Variants in NEURL1 observed in about 807,000 individuals in gnomAD.
The protein encoded by NEURL1 is neuralized E3 ubiquitin protein ligase 1, also known as E3 ubiquitin-protein ligase NEURL1.
Under a neutral mutation model 41.2 loss-of-function variants are expected in NEURL1, and 26 were observed. The ratio of observed to expected loss-of-function variants is 0.63; its 90% CI spans 0.46 to 0.87. The LOEUF is 0.87. Ranked by LOEUF, NEURL1 falls within the 40% of genes least tolerant of loss-of-function variation. The probability of loss-of-function intolerance (pLI) is 0.00; values close to 1 mark genes in which losing one functional copy is unlikely to be tolerated. For synonymous variants in NEURL1, 400 were observed against 402.3 expected (o/e 0.99, Z 0.07); for missense variants, 761 against 871.1 (o/e 0.87, Z 1.59).
chr10:103,554,996 C>T (rs2035114178), intron 1 of NEURL1, among the ~76,000 whole-genome samples: 1 of 152,100 alleles, frequency 6.6e-6, no homozygotes, highest in South Asian at 2.1e-4. Flanking sequence ...GTGTGCGCGC[C>T]TCTGCTCGCT....
chr10:103,585,345 C>CA, intron 4 of NEURL1, 120 bp downstream of exon 4: 1 of 934,054 alleles, frequency 1.1e-6, no homozygotes, highest in Non-Finnish European at 1.5e-6. Context: ...TAAGGAATCA[C>CA]AGACACCTAA....
At chr10:103,497,998 G>C (rs893161220) in intron 1 of NEURL1, among the ~76,000 whole-genome samples, 3 of 152,158 alleles carry the variant, frequency 2.0e-5, no homozygotes, top group East Asian at 1.9e-4. Flanking sequence ...TGGAAGAAGG[G>C]GGAAAGGCAC....
chr10:103,556,006 C>A lies in NEURL1; in HGVS notation c.86-14866C>A, dbSNP rs2035146794. 6.6e-6 allele frequency among the ~76,000 whole-genome samples: 1 copy of A among 152,240 alleles called. No individual in the cohort carries two copies. The highest frequency in any genetic ancestry group is 2.1e-4 in the South Asian group (1 of 4,836). On this transcript the variant is annotated intron_variant, in intron 1 of 5. Coordinates refer to ENST00000369780, the MANE Select transcript of NEURL1 (RefSeq NM_004210.5). This position sits in a 1 kb window ranked among gnomAD's most constrained non-coding sequence, Gnocchi z 4.4. Reference sequence around the variant, plus strand: ...GGTGTGCACCTGTGCCGGCTTGTGCCTAAGCACACGGGTGTGCAAGTGACA... The same window carrying A: ...GGTGTGCACCTGTGCCGGCTTGTGCATAAGCACACGGGTGTGCAAGTGACA...
rs2035864563 is a variant in NEURL1 at position 103,584,725 on chromosome 10, C to T, written c.839C>T (p.Ser280Leu). ...GCPIPQNSLN[S>L]QHSRALPAQL... is the part of the protein sequence containing the mutation. The stretch of plus-strand genomic sequence containing the variant: ...CCCATCCCGCAGAACTCACTCAACT[C>T]GCAGCACAGCCGCGCGCTGCCGGCG... The change falls in exon 4 of 6, where the codon TCG becomes TTG. Residue 280 changes from serine (S) to leucine (L), a missense_variant. Coordinates refer to ENST00000369780, the MANE Select transcript of NEURL1 (RefSeq NM_004210.5). 6.8e-7 allele frequency: 1 copy of T among 1,468,250 alleles called. No homozygotes were observed. The highest frequency in any genetic ancestry group is 9.0e-7 in the Non-Finnish European group (1 of 1,115,694). The allele number at this position is 1,468,250 out of a possible 1,614,324, so 91.0% of individuals were successfully genotyped here.
chr10:103,504,559 G>A (rs78573195), intron 1 of NEURL1, among the ~76,000 whole-genome samples: 17 of 152,268 alleles, frequency 1.1e-4, no homozygotes, highest in Middle Eastern at 3.4e-3. Context: ...GACCTTGAGC[G>A]CCTGGCTGAG....
At chr10:103,572,231 T>C (rs893977567) in intron 3 of NEURL1, among the ~76,000 whole-genome samples, 2 of 152,204 alleles carry the variant, frequency 1.3e-5, no homozygotes, top group African/African-American at 4.8e-5. Context: ...GACCCCTTCA[T>C]TGGGCAGAAA....
In NEURL1 at chr10:103,590,708, A is replaced by T. The variant is rs997916402; in HGVS notation, c.*336A>T. On this transcript the variant is annotated 3_prime_UTR_variant, in exon 6 of 6. Coordinates refer to ENST00000369780, the MANE Select transcript of NEURL1 (RefSeq NM_004210.5). Reference sequence around the variant, plus strand: ...TCCCCATCTGAGGCAGGTTTCTAGGAGGTGTCTGTAGTCCATGTGGCACCT... The same window carrying T: ...TCCCCATCTGAGGCAGGTTTCTAGGTGGTGTCTGTAGTCCATGTGGCACCT... 2.6e-5 allele frequency: 9 copies of T among 348,214 alleles called. No individual in the cohort carries two copies. Among genetic ancestry groups the T allele is most frequent in the African/African-American group, 1.7e-4 (8 of 48,074 alleles). The allele number at this position is 348,214 out of a possible 1,614,324, so 21.6% of individuals were successfully genotyped here. A position where few individuals can be genotyped will look rare whatever the true frequency, so the allele number is the denominator to read the frequency against.
intron 1 of NEURL1, among the ~76,000 whole-genome samples, chr10:103,568,104 G>A (rs565009831): frequency 4.3e-4 from 65 of 152,270 alleles, no homozygotes; most frequent in African/African-American, 1.5e-3. Flanking sequence ...GTGTATGCCC[G>A]TGAGTGTGTC....
chr10:103,561,809 G>C (rs2035298927), intron 1 of NEURL1, among the ~76,000 whole-genome samples: 1 of 152,204 alleles, frequency 6.6e-6, no homozygotes, highest in Non-Finnish European at 1.5e-5. Context: ...TTCCTTATCT[G>C]CTTCTTTTCT....
At chr10:103,529,922 C>G (rs1470692763) in intron 1 of NEURL1, among the ~76,000 whole-genome samples, 1 of 151,890 alleles carries the variant, frequency 6.6e-6, no homozygotes, top group African/African-American at 2.4e-5. Context: ...GGATCTTATG[C>G]AAGAAAAAAT....
intron 1 of NEURL1, among the ~76,000 whole-genome samples, chr10:103,505,819 A>G (rs928107311): frequency 1.3e-5 from 2 of 152,260 alleles, no homozygotes; most frequent in African/African-American, 2.4e-5. Flanking sequence ...AGCCCTGGCC[A>G]GAGTCACCCC....
At chr10:103,583,127 G>T (rs1254602632) in intron 3 of NEURL1, among the ~76,000 whole-genome samples, 2 of 152,144 alleles carry the variant, frequency 1.3e-5, no homozygotes, top group South Asian at 2.1e-4. Flanking sequence ...TATGGTGTTG[G>T]AAACAGTTAT....
intron 1 of NEURL1, among the ~76,000 whole-genome samples, chr10:103,517,996 A>G (rs1296373457): frequency 6.6e-6 from 1 of 152,224 alleles, no homozygotes; most frequent in African/African-American, 2.4e-5. Flanking sequence ...CCAGCCAGGT[A>G]TCCTTTATGT....
chr10:103,568,076 G>A (rs1013485054), intron 1 of NEURL1, among the ~76,000 whole-genome samples: 9 of 152,144 alleles, frequency 5.9e-5, no homozygotes, highest in South Asian at 2.1e-4. Flanking sequence ...GATTACTTTC[G>A]CATGCTCACA....
intron 1 of NEURL1, among the ~76,000 whole-genome samples, chr10:103,553,795 G>A (rs1181044198): frequency 6.6e-6 from 1 of 152,178 alleles, no homozygotes; most frequent in Non-Finnish European, 1.5e-5. Flanking sequence ...CCTGCCCGCT[G>A]GCTTTCTCTT....
chr10:103,501,547 C>G (rs1345114911), intron 1 of NEURL1, among the ~76,000 whole-genome samples: 2 of 151,946 alleles, frequency 1.3e-5, no homozygotes, highest in African/African-American at 4.8e-5. Context: ...AGTTCTGATG[C>G]TAGGTGTATT....
rs2033625787 is a variant in NEURL1 at position 103,494,282 on chromosome 10, T to TC, written c.-101dup. The TC allele has an allele frequency of 3.5e-6, 3 of 864,402 alleles. No homozygotes were observed. Among genetic ancestry groups the TC allele is most frequent in the Non-Finnish European group, 5.2e-6 (3 of 578,596 alleles). 53.5% of individuals were successfully genotyped at this position (864,402 alleles called of 1,614,324 possible). ...CCCGGCTGCAGCCCCAGCAGGGCCC[T>TC]CCCCCGGTGGCGCGCACCCGCGCGC... On this transcript the variant is annotated 5_prime_UTR_variant, in exon 1 of 6. Coordinates refer to ENST00000369780, the MANE Select transcript of NEURL1 (RefSeq NM_004210.5).
In NEURL1 at chr10:103,556,595, T is replaced by A. The variant is rs1317037403; in HGVS notation, c.86-14277T>A. Among the ~76,000 whole-genome samples, 2 of 152,132 alleles carry A rather than the reference T, an allele frequency of 1.3e-5. No individual in the cohort carries two copies. Among genetic ancestry groups the A allele is most frequent in the Non-Finnish European group, 2.9e-5 (2 of 68,028 alleles). ...AGGCTCTGGACTTTGGGAGAGTAAT[T>A]TCTAATTAAAAAAGAAAAAAGACAG... On this transcript the variant is annotated intron_variant, in intron 1 of 5. Coordinates refer to ENST00000369780, the MANE Select transcript of NEURL1 (RefSeq NM_004210.5). The surrounding 1 kb of genome is among the most constrained non-coding windows in gnomAD (Gnocchi z 4.4).
At chr10:103,514,786 A>C (rs1403631910) in intron 1 of NEURL1, among the ~76,000 whole-genome samples, 2 of 152,034 alleles carry the variant, frequency 1.3e-5, no homozygotes, top group Non-Finnish European at 2.9e-5. Flanking sequence ...TAGGATAGGG[A>C]GTGGGGCAGG....
Sources: gnomAD v4.1 joint callset for allele counts (sites outside exome capture counted in the v4.1 genomes callset) on GRCh38, gnomAD v4.1.1 for gene constraint, Gnocchi (gnomAD v3.1) non-coding constraint, MANE v1.5 for transcripts, NCBI Gene and HGNC (gene_info 2026-07-23, HGNC 2026-07-21) for gene names.